The following DYNC1LI1 variants were observed in gnomAD, a reference collection of about 807,000 sequenced individuals.
DYNC1LI1 encodes the protein cytoplasmic dynein 1 light intermediate chain 1.
DYNC1LI1 carries 19 observed loss-of-function variants against 63.8 expected under a neutral mutation model. That is an observed-to-expected ratio of 0.30 (90% CI 0.21 to 0.44). DYNC1LI1 has a LOEUF of 0.44. DYNC1LI1 is among the 20% of genes least tolerant of loss of function. The pLI, the probability that DYNC1LI1 is intolerant of heterozygous loss-of-function variation, is 1.00. For missense variants in DYNC1LI1, 565 were observed against 630.2 expected (o/e 0.90, Z 1.11); for synonymous variants, 225 against 232.3 (o/e 0.97, Z 0.28).
At chr3:32,547,271 C>T (rs1188658860) in intron 2 of DYNC1LI1, among the ~76,000 whole-genome samples, 4 of 151,628 alleles carry the variant, frequency 2.6e-5, no homozygotes, top group African/African-American at 9.7e-5. Context: ...ACTAGGCTAG[C>T]TGTTCAATGT....
chr3:32,555,700 A>G (rs1318458319), intron 2 of DYNC1LI1, among the ~76,000 whole-genome samples: 2 of 151,894 alleles, frequency 1.3e-5, no homozygotes, highest in African/African-American at 4.8e-5. Flanking sequence ...TCATTATGCT[A>G]CTCTCTCTCT....
rs1698341881 is a variant in DYNC1LI1 at position 32,570,840 on chromosome 3, G to A, written c.-70C>T. On this transcript the variant is annotated 5_prime_UTR_variant, in exon 1 of 13. Coordinates refer to ENST00000273130, the MANE Select transcript of DYNC1LI1 (RefSeq NM_016141.4). ...GGCGGCTGAGGCGGTGGCGGTGGAG[G>A]CGGCGGGAACCCGGATATGGGGCGT... The A allele has an allele frequency of 6.5e-7, 1 of 1,531,138 alleles. No homozygotes were observed. Among genetic ancestry groups the A allele is most frequent in the African/African-American group, 1.4e-5 (1 of 71,702 alleles). 94.8% of individuals were successfully genotyped at this position (1,531,138 alleles called of 1,614,324 possible).
chr3:32,543,698 G>A (rs1697913790), intron 4 of DYNC1LI1, among the ~76,000 whole-genome samples: 1 of 149,608 alleles, frequency 6.7e-6, no homozygotes, highest in Non-Finnish European at 1.5e-5. Flanking sequence ...GAGCCACCAC[G>A]CCTGGCCCAC....
At position 32,545,918 on chromosome 3, in the gene DYNC1LI1, T is replaced by A; in HGVS notation, c.268A>T (p.Ile90Leu). Residue 90 changes from isoleucine to leucine, a missense_variant, in exon 3 of 13, where the codon ATA becomes TTA. Coordinates refer to ENST00000273130, the MANE Select transcript of DYNC1LI1 (RefSeq NM_016141.4). The stretch of plus-strand genomic sequence containing the variant: ...CCTCTTCCTTTCTTATACTCCTCTA[T>A]TCCCTGAATTTTTCTTATTAAGCTT... ...KTSLIRKIQG[I>L]EEYKKGRGLE... 2 of 1,612,900 alleles carry A rather than the reference T, an allele frequency of 1.2e-6. No individual in the cohort carries two copies. The highest frequency in any genetic ancestry group is 4.5e-5 in the East Asian group (2 of 44,820).
intron 2 of DYNC1LI1, among the ~76,000 whole-genome samples, chr3:32,569,627 G>T (rs1015658415): frequency 2.0e-5 from 3 of 152,064 alleles, no homozygotes; most frequent in Non-Finnish European, 4.4e-5. Context: ...GCGAATCTGC[G>T]AACTATTCTC....
intron 2 of DYNC1LI1, among the ~76,000 whole-genome samples, chr3:32,569,350 A>T (rs557324881): frequency 6.6e-6 from 1 of 152,212 alleles, no homozygotes; most frequent in Admixed American, 6.5e-5. Flanking sequence ...GCAGCAGTCT[A>T]TTAAAAAAGT....
At chr3:32,547,153 G>A (rs914989964) in intron 2 of DYNC1LI1, among the ~76,000 whole-genome samples, 2 of 152,162 alleles carry the variant, frequency 1.3e-5, no homozygotes, top group African/African-American at 4.8e-5. Flanking sequence ...TGAGGCAGGA[G>A]AACTGCTTGA....
At chr3:32,539,614 C>A (rs1177053823) in intron 5 of DYNC1LI1, among the ~76,000 whole-genome samples, 2 of 152,046 alleles carry the variant, frequency 1.3e-5, no homozygotes, top group East Asian at 1.9e-4. Context: ...CAGCTCACTG[C>A]AAGCTCTGCC....
At chr3:32,551,940 A>T (rs989566258) in intron 2 of DYNC1LI1, among the ~76,000 whole-genome samples, 1 of 152,128 alleles carries the variant, frequency 6.6e-6, no homozygotes, top group Non-Finnish European at 1.5e-5. Flanking sequence ...TTCCACCTAA[A>T]ATCTGGTGAC....
chr3:32,539,457 T>C (rs893238270), intron 5 of DYNC1LI1, among the ~76,000 whole-genome samples: 4 of 152,182 alleles, frequency 2.6e-5, no homozygotes, highest in Non-Finnish European at 5.9e-5. Context: ...TCTGTCATTT[T>C]CTTAACTATT....
intron 8 of DYNC1LI1, chr3:32,531,571 A>G (rs1697696850): frequency 6.6e-6 from 1 of 152,196 alleles, no homozygotes; most frequent in Non-Finnish European, 1.5e-5. Context: ...GGTGATGCTC[A>G]ATAAAAGAAT....
Position 32,530,498 on chromosome 3 carries a change from A to G in DYNC1LI1, c.1103T>C (p.Met368Thr), listed in dbSNP as rs776926946. 3 of 1,613,364 alleles carry G rather than the reference A, an allele frequency of 1.9e-6. No homozygotes were observed. In the South Asian group the frequency reaches 3.3e-5, roughly 18 times the overall value. ...VRKFVHEKEI[M>T]AEDDQVFLMK... Reference sequence around the variant, plus strand: ...AAGAAACACCTGATCATCTTCTGCCATAATTTCCTTCTCATGTACAAACTG... The same window carrying G: ...AAGAAACACCTGATCATCTTCTGCCGTAATTTCCTTCTCATGTACAAACTG... The change falls in exon 9 of 13, where the codon ATG (methionine) becomes ACG (threonine). Residue 368 changes from methionine (M) to threonine (T), a missense_variant. Met to Thr is a moderately conservative substitution (Grantham distance 81). Coordinates refer to ENST00000273130, the MANE Select transcript of DYNC1LI1 (RefSeq NM_016141.4).
chr3:32,559,980 C>T (rs1698167932), intron 2 of DYNC1LI1, among the ~76,000 whole-genome samples: 1 of 152,168 alleles, frequency 6.6e-6, no homozygotes, highest in Non-Finnish European at 1.5e-5. Flanking sequence ...TAGAGGGCAT[C>T]TTCCTCCCTC....
At chr3:32,544,707 A>G (rs1575153672) in intron 4 of DYNC1LI1, among the ~76,000 whole-genome samples, 169 bp downstream of exon 4, 1 of 151,364 alleles carries the variant, frequency 6.6e-6, no homozygotes, top group Admixed American at 6.6e-5. Flanking sequence ...GCGCCACTGC[A>G]CTCCAGCCTG....
chr3:32,532,528 G>A (rs1419855193), intron 8 of DYNC1LI1: 1 of 141,988 alleles, frequency 7.0e-6, no homozygotes, highest in Non-Finnish European at 1.5e-5. Flanking sequence ...TTCTTGGATA[G>A]CTGTGAGCTA....
In DYNC1LI1 at chr3:32,570,813, G is replaced by A; in HGVS notation, c.-43C>T. On this transcript the variant is annotated 5_prime_UTR_variant, in exon 1 of 13. Coordinates refer to ENST00000273130, the MANE Select transcript of DYNC1LI1 (RefSeq NM_016141.4). Reference sequence around the variant, plus strand: ...CCACTCCCGGCAAGACTAAATGTGCGAGGCGGCTGAGGCGGTGGCGGTGGA... The same window carrying A: ...CCACTCCCGGCAAGACTAAATGTGCAAGGCGGCTGAGGCGGTGGCGGTGGA... 6.4e-7 allele frequency: 1 copy of A among 1,567,880 alleles called. No homozygotes were observed. The highest frequency in any genetic ancestry group is 1.4e-5 in the African/African-American group (1 of 72,600).
At chr3:32,554,955 C>T (rs1163431487) in intron 2 of DYNC1LI1, among the ~76,000 whole-genome samples, 9 of 150,716 alleles carry the variant, frequency 6.0e-5, no homozygotes, top group African/African-American at 1.7e-4. Context: ...CTGCAACCTC[C>T]GCATCCCGGG....
At chr3:32,556,148 C>A (rs1698111870) in intron 2 of DYNC1LI1, among the ~76,000 whole-genome samples, 1 of 152,206 alleles carries the variant, frequency 6.6e-6, no homozygotes, top group South Asian at 2.1e-4. Context: ...CAACTCTACA[C>A]CTTCACATAT....
rs1697621675 is a variant in DYNC1LI1, at chr3:32,526,618, T to C, written c.*181A>G. The C allele has an allele frequency of 6.4e-6, 3 of 471,472 alleles. No homozygotes were observed. The highest frequency in any genetic ancestry group is 1.2e-5 in the Non-Finnish European group (3 of 259,274). The allele number at this position is 471,472 out of a possible 1,614,324, so 29.2% of individuals were successfully genotyped here. The stretch of plus-strand genomic sequence containing the variant: ...CAATCCTACATAATGTAGAATAATT[T>C]TTCTTCTGTACGGCTCCTTCTAAAA... On this transcript the variant is annotated 3_prime_UTR_variant, in exon 13 of 13. Transcript: ENST00000273130.
Sources: allele counts gnomAD v4.1 joint callset (sites outside exome capture counted in the v4.1 genomes callset), GRCh38; gene constraint gnomAD v4.1.1; transcripts MANE v1.5; gene names NCBI Gene and HGNC (gene_info 2026-07-23, HGNC 2026-07-21).